The following RHOBTB3 variants were observed in gnomAD, a reference collection of about 807,000 sequenced individuals.
The protein encoded by RHOBTB3 is Rho related BTB domain containing 3.
In RHOBTB3, 47 loss-of-function variants were observed where a neutral mutation model predicts 67.2. The ratio of observed to expected loss-of-function variants is 0.70; its 90% CI spans 0.55 to 0.89. RHOBTB3 has a LOEUF of 0.89. Ranked by LOEUF, RHOBTB3 falls within the 40% of genes least tolerant of loss-of-function variation. The pLI is 0.00. For synonymous variants in RHOBTB3, 273 were observed against 274.2 expected, an observed-to-expected ratio of 1.00 and a Z score of 0.04; for missense variants, 631 against 750.0, an observed-to-expected ratio of 0.84 and a Z score of 1.85.
rs60207634 is a variant in RHOBTB3, at chr5:95,784,057, A to G, written c.1623+94A>G. 5,143 of 1,022,664 alleles carry G rather than the reference A, an allele frequency of 5.0e-3. 183 individuals carry two copies. The African/African-American group carries it at 0.075, about 15-fold the overall frequency. 63.3% of individuals were successfully genotyped at this position (1,022,664 alleles called of 1,614,324 possible). ...ATTTATCATTTTTTAACATACGTTA[A>G]TACTAGTCTTAGTTTGGAAGTTTGG... On this transcript the variant is annotated intron_variant, in intron 10 of 11. Transcript: ENST00000379982.
At chr5:95,753,177 A>C (rs895283650) in intron 5 of RHOBTB3, among the ~76,000 whole-genome samples, 2 of 151,418 alleles carry the variant, frequency 1.3e-5, no homozygotes, top group South Asian at 4.2e-4. Context: ...AAGGATCCTG[A>C]TATCTGCAAC....
At chr5:95,754,459 C>G (rs1745186203) in intron 5 of RHOBTB3, among the ~76,000 whole-genome samples, 1 of 152,160 alleles carries the variant, frequency 6.6e-6, no homozygotes, top group Non-Finnish European at 1.5e-5. Context: ...TCGTTATTAT[C>G]TGTTTTATAG....
At chr5:95,767,573 A>G (rs555022262) in intron 7 of RHOBTB3, among the ~76,000 whole-genome samples, 2 of 152,270 alleles carry the variant, frequency 1.3e-5, no homozygotes, top group South Asian at 4.1e-4. Context: ...CCAGACCTCA[A>G]GTGCCCACCT....
At chr5:95,774,614 A>G (rs576549231) in intron 8 of RHOBTB3, among the ~76,000 whole-genome samples, 9 of 152,362 alleles carry the variant, frequency 5.9e-5, no homozygotes, top group African/African-American at 2.2e-4. Flanking sequence ...GTCAAAGAAT[A>G]GGAACATCTG....
At chr5:95,790,585 G>A (rs1322227995) in intron 11 of RHOBTB3, among the ~76,000 whole-genome samples, 1 of 152,172 alleles carries the variant, frequency 6.6e-6, no homozygotes, top group African/African-American at 2.4e-5. Context: ...AGGACTTCCA[G>A]TGCGATGTGA....
chr5:95,763,533 A>G lies in RHOBTB3; in HGVS notation c.1074A>G (p.Glu358=), dbSNP rs1745449727. The change falls in exon 7 of 12, where the codon GAA becomes GAG. Residue 358 remains glutamate, a synonymous_variant. Transcript: ENST00000379982. ...YSGAFQWEEL[E]EDIRKKLKDS... ...GTGCTTTTCAGTGGGAAGAATTGGA[A>G]GAAGATATCAGGAAGAAGTTGAAAG... 6.2e-7 allele frequency: 1 copy of G among 1,611,776 alleles called. No homozygotes were observed. The highest frequency in any genetic ancestry group is 1.3e-5 in the African/African-American group (1 of 74,886).
At chr5:95,749,466 A>G (rs952341363) in intron 4 of RHOBTB3, among the ~76,000 whole-genome samples, 24 of 152,352 alleles carry the variant, frequency 1.6e-4, no homozygotes, top group African/African-American at 5.3e-4. Flanking sequence ...ACCCAATAAT[A>G]TAAAGAAACA....
At chr5:95,767,627 G>A in intron 7 of RHOBTB3, 1 of 539,852 alleles carries the variant, frequency 1.9e-6, no homozygotes, top group South Asian at 2.6e-5. Flanking sequence ...CACTGCACCT[G>A]GCCAAAAAAT....
Position 95,755,665 on chromosome 5 carries a change from A to G in RHOBTB3, c.952A>G (p.Ser318Gly). Residue 318 changes from serine (S) to glycine (G), a missense_variant, in exon 6 of 12, where the codon AGC (serine) becomes GGC (glycine). Physicochemically the swap from Ser to Gly is moderately conservative, Grantham distance 56. Coordinates refer to ENST00000379982, the MANE Select transcript of RHOBTB3 (RefSeq NM_014899.4). ...INRDTAFPGA[S>G]HESSGNPPLR... ...CAGAGATACTGCATTTCCAGGTGCT[A>G]GCCATGAATCTTCAGGCAACCCACC... 6.2e-7 allele frequency: 1 copy of G among 1,614,200 alleles called. No homozygotes were observed.
intron 11 of RHOBTB3, 21 bp from the exon 12 acceptor site, chr5:95,793,038 G>T (rs79061390): frequency 0.029 from 43,555 of 1,517,384 alleles, 719 homozygotes; most frequent in Middle Eastern, 0.039. Context: ...TCGGTTAACA[G>T]TCTTTTTCTT....
At chr5:95,747,284 C>T (rs1245554422) in intron 3 of RHOBTB3, among the ~76,000 whole-genome samples, 3 of 152,190 alleles carry the variant, frequency 2.0e-5, no homozygotes, top group African/African-American at 7.2e-5. Flanking sequence ...GCTTTGGTCC[C>T]TGTTCCAACA....
At position 95,752,453 on chromosome 5, in the gene RHOBTB3, C is replaced by T. The variant is rs1158993152; in HGVS notation, c.682+103C>T. On this transcript the variant is annotated intron_variant, in intron 5 of 11. Transcript: ENST00000379982. ...TTCTCAAACTTGAGCATGCTCAGAGCTTACCTGACATTCTGATTCAGTCAA... is the reference window on the plus strand; with the variant it reads ...TTCTCAAACTTGAGCATGCTCAGAGTTTACCTGACATTCTGATTCAGTCAA... 14 of 794,420 alleles carry T rather than the reference C, an allele frequency of 1.8e-5. No homozygotes were observed. In the East Asian group the frequency reaches 3.4e-4, roughly 19 times the overall value. 49.2% of individuals were successfully genotyped at this position (794,420 alleles called of 1,614,324 possible). A position where few individuals can be genotyped will look rare whatever the true frequency, so the allele number is the denominator to read the frequency against.
At chr5:95,731,296 C>T (rs988680807), upstream of RHOBTB3, 3 of 1,038,706 alleles carry the variant, frequency 2.9e-6, no homozygotes, top group African/African-American at 5.1e-5. Context: ...CTCCCCGACC[C>T]CCCTTCTCTG....
intron 6 of RHOBTB3, among the ~76,000 whole-genome samples, chr5:95,761,992 T>C (rs1745407785): frequency 6.6e-6 from 1 of 152,158 alleles, no homozygotes; most frequent in Non-Finnish European, 1.5e-5. Flanking sequence ...TCTTCTACAC[T>C]ACACAGCTTT....
intron 10 of RHOBTB3, among the ~76,000 whole-genome samples, chr5:95,788,472 A>G (rs1218463699): frequency 2.6e-5 from 4 of 152,252 alleles, no homozygotes; most frequent in Non-Finnish European, 4.4e-5. Flanking sequence ...TAAATCTTCA[A>G]GAACCTCAGA....
intron 6 of RHOBTB3, among the ~76,000 whole-genome samples, chr5:95,757,767 A>G (rs1161762824): frequency 2.0e-5 from 3 of 152,190 alleles, no homozygotes; most frequent in African/African-American, 7.2e-5. Context: ...TACAGCACAC[A>G]CCCAGCACAT....
upstream of RHOBTB3, chr5:95,730,930 G>T (rs1046782976): frequency 8.7e-6 from 4 of 461,218 alleles, no homozygotes; most frequent in African/African-American, 6.0e-5. Context: ...AAGAGGGGGG[G>T]AAATCGGGTT....
At chr5:95,739,841 G>C (rs1755549520) in intron 3 of RHOBTB3, among the ~76,000 whole-genome samples, 1 of 152,150 alleles carries the variant, frequency 6.6e-6, no homozygotes, top group African/African-American at 2.4e-5. Flanking sequence ...CACCACACCT[G>C]GCAACAGATC....
intron 3 of RHOBTB3, among the ~76,000 whole-genome samples, chr5:95,747,552 G>A (rs577532710): frequency 1.7e-4 from 26 of 152,272 alleles, no homozygotes; most frequent in Admixed American, 1.2e-3. Flanking sequence ...GACAAATATG[G>A]AGTTAAACAT....
Sources: gnomAD v4.1 joint callset for allele counts (sites outside exome capture counted in the v4.1 genomes callset) on GRCh38, gnomAD v4.1.1 for gene constraint, MANE v1.5 for transcripts, NCBI Gene and HGNC (gene_info 2026-07-23, HGNC 2026-07-21) for gene names.